CDH12: variants seen among roughly 807,000 people sequenced by gnomAD.
CDH12 encodes the protein cadherin 12, also known as cadherin-12.
CDH12 carries 41 observed loss-of-function variants against 74.1 expected under a neutral mutation model. That is an observed-to-expected ratio of 0.55 (90% confidence interval 0.43 to 0.72). CDH12 has a LOEUF of 0.72. Among genes scored for constraint, CDH12 ranks in the 30% least tolerant of loss-of-function variants. The pLI is 0.00. For missense variants in CDH12, 945 were observed against 977.2 expected (o/e 0.97, Z 0.44); for synonymous variants, 399 against 355.0 (o/e 1.12, Z -1.39).
At chr5:22,795,535 CTT>C (rs1230350064) in intron 1 of CDH12, among the ~76,000 whole-genome samples, 2 of 151,354 alleles carry the variant, frequency 1.3e-5, no homozygotes, top group Non-Finnish European at 2.9e-5. Flanking sequence ...TATATACACA[CTT>C]ATATACATAC....
chr5:21,934,976 C>T (rs950480589), intron 6 of CDH12, among the ~76,000 whole-genome samples: 10 of 152,064 alleles, frequency 6.6e-5, no homozygotes, highest in Non-Finnish European at 8.8e-5. Context: ...TTCGTAGAGA[C>T]GGGGTTTCAT....
At chr5:22,421,115 T>C (rs1743633326) in intron 2 of CDH12, among the ~76,000 whole-genome samples, 1 of 152,212 alleles carries the variant, frequency 6.6e-6, no homozygotes, top group East Asian at 1.9e-4. Context: ...GTTTTCTAGA[T>C]ATAGGATCAT....
chr5:22,375,028 G>A (rs532311280), intron 3 of CDH12, among the ~76,000 whole-genome samples: 1 of 152,000 alleles, frequency 6.6e-6, no homozygotes, highest in East Asian at 1.9e-4. Context: ...TGAAGCTATA[G>A]GCATCACACT....
intron 1 of CDH12, among the ~76,000 whole-genome samples, chr5:22,807,723 TA>T (rs1748889041): frequency 6.6e-6 from 1 of 152,188 alleles, no homozygotes; most frequent in African/African-American, 2.4e-5. Context: ...AGTACTTGTG[TA>T]TATAAACATA....
intron 5 of CDH12, among the ~76,000 whole-genome samples, chr5:22,016,836 A>G (rs6897914): frequency 0.35 from 53,524 of 152,048 alleles, 12,337 homozygotes; most frequent in African/African-American, 0.66. Flanking sequence ...TCTAATGACT[A>G]ACATCTTGTT....
At chr5:22,274,531 A>T (rs1049799601) in intron 3 of CDH12, among the ~76,000 whole-genome samples, 2 of 152,098 alleles carry the variant, frequency 1.3e-5, no homozygotes, top group African/African-American at 4.8e-5. Context: ...TATCAAATAT[A>T]TTAACCACAA....
intron 6 of CDH12, among the ~76,000 whole-genome samples, chr5:21,908,011 C>G (rs1256109092): frequency 6.6e-6 from 1 of 152,126 alleles, no homozygotes; most frequent in Admixed American, 6.6e-5. Context: ...TATCCCATAC[C>G]CTGACCTGTT....
intron 5 of CDH12, among the ~76,000 whole-genome samples, chr5:22,053,072 G>GT (rs1197764898): frequency 0.043 from 6,024 of 140,384 alleles, 298 homozygotes; most frequent in African/African-American, 0.12. Context: ...CGTTTTTTTT[G>GT]TTTTTTTTTT....
intron 4 of CDH12, among the ~76,000 whole-genome samples, chr5:22,194,797 C>T (rs1358898919): frequency 1.3e-5 from 2 of 152,262 alleles, no homozygotes; most frequent in Non-Finnish European, 2.9e-5. Flanking sequence ...ATGGGGACCA[C>T]GGGCATAGGA....
At chr5:22,038,313 T>C (rs541426113) in intron 5 of CDH12, among the ~76,000 whole-genome samples, 1 of 152,252 alleles carries the variant, frequency 6.6e-6, no homozygotes, top group East Asian at 1.9e-4. Context: ...CAAGCATCCC[T>C]GGAGCCACCC....
chr5:22,151,423 G>T (rs1253207964), intron 4 of CDH12, among the ~76,000 whole-genome samples: 3 of 152,118 alleles, frequency 2.0e-5, no homozygotes. Flanking sequence ...ATAATCAAAG[G>T]ATCAAGTTGA....
At chr5:22,663,917 A>T (rs987141957) in intron 1 of CDH12, among the ~76,000 whole-genome samples, 3 of 152,016 alleles carry the variant, frequency 2.0e-5, no homozygotes, top group Admixed American at 6.6e-5. Flanking sequence ...TAACTAAGGG[A>T]ATTTCTTTCA....
chr5:21,915,129 A>C (rs1754028777), intron 6 of CDH12, among the ~76,000 whole-genome samples: 1 of 152,190 alleles, frequency 6.6e-6, no homozygotes, highest in African/African-American at 2.4e-5. Context: ...GTCCTGAGAG[A>C]TTTTCAGCAA....
chr5:22,645,597 G>A (rs1168711875), intron 1 of CDH12, among the ~76,000 whole-genome samples: 4 of 152,036 alleles, frequency 2.6e-5, no homozygotes, highest in Non-Finnish European at 5.9e-5. Flanking sequence ...AGTCAAGTTT[G>A]AGAAGATTGA....
chr5:22,431,615 T>C (rs1020758231), intron 2 of CDH12, among the ~76,000 whole-genome samples: 12 of 152,210 alleles, frequency 7.9e-5, no homozygotes, highest in Non-Finnish European at 1.5e-5. Flanking sequence ...CAAGAAGGCA[T>C]TGTTATCATA....
chr5:22,759,890 T>A (rs1269682795), intron 1 of CDH12, among the ~76,000 whole-genome samples: 2 of 152,154 alleles, frequency 1.3e-5, no homozygotes, highest in African/African-American at 4.8e-5. Context: ...TGCTTCAAGT[T>A]CAAGGCTGTC....
intron 6 of CDH12, among the ~76,000 whole-genome samples, chr5:21,890,681 T>C (rs1752856124): frequency 6.6e-6 from 1 of 152,140 alleles, no homozygotes; most frequent in African/African-American, 2.4e-5. Flanking sequence ...AGAGTGATTC[T>C]ACATACATAG....
intron 5 of CDH12, among the ~76,000 whole-genome samples, chr5:21,988,491 CAAAAAAAAAAAAAAAA>C (rs1157872208): frequency 2.0e-4 from 6 of 29,472 alleles, no homozygotes; most frequent in Non-Finnish European, 4.8e-4. Flanking sequence ...GACTCCGTCT[CAAAAAAAAAAAAAAAA>C]AAAAAAAAAA....
chr5:21,967,530 A>C (rs1756639598), intron 6 of CDH12, among the ~76,000 whole-genome samples: 1 of 152,112 alleles, frequency 6.6e-6, no homozygotes, highest in Non-Finnish European at 1.5e-5. Context: ...GCTAAAATAT[A>C]TTTAATGCTT....
Sources: allele counts gnomAD v4.1 joint callset (sites outside exome capture counted in the v4.1 genomes callset), GRCh38; gene constraint gnomAD v4.1.1; transcripts MANE v1.5; gene names NCBI Gene and HGNC (gene_info 2026-07-23, HGNC 2026-07-21).